The following EFCAB8 variants were observed in gnomAD, a reference collection of about 807,000 sequenced individuals.
EFCAB8 encodes EF-hand calcium-binding domain-containing protein 8.
In EFCAB8, 100 loss-of-function variants were observed where a neutral mutation model predicts 116.3. The observed-to-expected ratio is 0.86, with a 90% CI of 0.73 to 1.02. The LOEUF is 1.02. EFCAB8 is among the 50% of genes least tolerant of loss of function. EFCAB8 has a pLI of 0.00. For missense variants in EFCAB8, 1,320 were observed against 1,416.9 expected (o/e 0.93, Z 1.10); for synonymous variants, 558 against 567.9 (o/e 0.98, Z 0.25).
chr20:32,877,134 A>G (rs1229057796), intron 4 of EFCAB8, among the ~76,000 whole-genome samples: 2 of 151,732 alleles, frequency 1.3e-5, no homozygotes, highest in Non-Finnish European at 2.9e-5. Flanking sequence ...CTGCCGTCTC[A>G]TAGCTCTCCT....
At chr20:32,960,905 C>T (rs1199375020) in intron 26 of EFCAB8, among the ~76,000 whole-genome samples, 3 of 152,202 alleles carry the variant, frequency 2.0e-5, no homozygotes, top group African/African-American at 7.2e-5. Context: ...ACAGAGTTGC[C>T]ACAAGCGCCG....
chr20:32,920,765 T>A (rs930307635), intron 20 of EFCAB8, among the ~76,000 whole-genome samples: 1 of 151,910 alleles, frequency 6.6e-6, no homozygotes, highest in African/African-American at 2.4e-5. Context: ...CCATATCAGC[T>A]CCCAAGGAGG....
At chr20:32,862,919 C>T (rs147971723) in intron 1 of EFCAB8, among the ~76,000 whole-genome samples, 293 of 152,294 alleles carry the variant, frequency 1.9e-3, no homozygotes, top group African/African-American at 6.6e-3. Context: ...AGGTATGAGC[C>T]ACTGCACCTG....
Position 32,931,242 on chromosome 20 carries a change from A to G in EFCAB8, c.2696A>G (p.Lys899Arg), listed in dbSNP as rs1301508691. Residue 899 changes from lysine to arginine, a missense_variant, in exon 22 of 27, where the codon AAG becomes AGG. Lys to Arg is a conservative substitution (Grantham distance 26, BLOSUM62 2). Transcript: ENST00000400522. The part of the protein sequence containing the change: ...DKQPFQSSGA[K>R]VVSEAHNKFR... The stretch of plus-strand genomic sequence containing the variant: ...CAGCCATTCCAATCCAGTGGGGCCA[A>G]GGTTGTCTCTGAAGCACACAACAAG... 1.3e-6 allele frequency: 2 copies of G among 1,551,420 alleles called. No individual in the cohort carries two copies. The highest frequency in any genetic ancestry group is 1.7e-6 in the Non-Finnish European group (2 of 1,146,876).
rs1986941140 is a variant in EFCAB8 at position 32,911,844 on chromosome 20, C to T, written c.1785+137C>T. The T allele has an allele frequency of 3.8e-6, 3 of 789,700 alleles. No individual in the cohort carries two copies. The East Asian group carries it at 8.0e-5, about 21-fold the overall frequency. The allele number at this position is 789,700 out of a possible 1,614,324, so 48.9% of individuals were successfully genotyped here. ...ATAGTCAGGTGGCCTGGCTTCAAAC[C>T]TCCCTGAGCCTCTGTGTCCTCATGC... On this transcript the variant is annotated intron_variant, in intron 16 of 26. Coordinates refer to ENST00000400522, the MANE Select transcript of EFCAB8 (RefSeq NM_001143967.2).
At chr20:32,916,325 A>G (rs1482948792) in intron 17 of EFCAB8, among the ~76,000 whole-genome samples, 1 of 151,944 alleles carries the variant, frequency 6.6e-6, no homozygotes, top group Non-Finnish European at 1.5e-5. Flanking sequence ...TGGCATAATT[A>G]CAGCTCACTG....
chr20:32,934,375 C>T (rs1216597456), intron 22 of EFCAB8, among the ~76,000 whole-genome samples: 2 of 152,078 alleles, frequency 1.3e-5, no homozygotes, highest in Admixed American at 1.3e-4. Context: ...TAGGTTGATT[C>T]TATATCTTGG....
At chr20:32,904,691 A>G (rs1448833715) in intron 11 of EFCAB8, among the ~76,000 whole-genome samples, 2 of 149,664 alleles carry the variant, frequency 1.3e-5, no homozygotes, top group East Asian at 4.0e-4. Flanking sequence ...CAGTGGTACA[A>G]TCTTGGCTCA....
chr20:32,889,787 A>G (rs1275804236), intron 7 of EFCAB8, among the ~76,000 whole-genome samples: 1 of 151,936 alleles, frequency 6.6e-6, no homozygotes, highest in East Asian at 1.9e-4. Context: ...GGATCACCTG[A>G]GGTCAGGAGT....
rs1987235761 is a variant in EFCAB8, at chr20:32,917,336, A to G, written c.1892A>G (p.His631Arg). 1 of 1,551,716 alleles carries G rather than the reference A, an allele frequency of 6.4e-7. No individual in the cohort carries two copies. The highest frequency in any genetic ancestry group is 8.7e-7 in the Non-Finnish European group (1 of 1,147,002). The change falls in exon 18 of 27, where the codon CAC (histidine) becomes CGC (arginine). Residue 631 changes from histidine to arginine, a missense_variant. His to Arg is a conservative substitution (Grantham distance 29). Transcript: ENST00000400522. Reference protein sequence around the residue: ...HKTKPVLLCYHWQTYHTEDIL... With the variant: ...HKTKPVLLCYRWQTYHTEDIL... Reference sequence around the variant, plus strand: ...ACCAAGCCAGTGCTCTTGTGCTACCACTGGCAGACCTACCACACGGAGGAC... The same window carrying G: ...ACCAAGCCAGTGCTCTTGTGCTACCGCTGGCAGACCTACCACACGGAGGAC...
At chr20:32,859,484 A>G (rs1056995367) in intron 1 of EFCAB8, among the ~76,000 whole-genome samples, 1 of 152,124 alleles carries the variant, frequency 6.6e-6, no homozygotes, top group African/African-American at 2.4e-5. Flanking sequence ...GTTGGCAGCA[A>G]CCAGCACTTT....
chr20:32,930,173 T>C (rs1408381386), intron 20 of EFCAB8, among the ~76,000 whole-genome samples: 1 of 152,184 alleles, frequency 6.6e-6, no homozygotes, highest in Non-Finnish European at 1.5e-5. Flanking sequence ...AAGGACAAAG[T>C]AGTGAACAAA....
chr20:32,912,437 AAAAAAAAAGAAG>A (rs1296993804), intron 16 of EFCAB8, among the ~76,000 whole-genome samples: 1 of 129,432 alleles, frequency 7.7e-6, no homozygotes, highest in African/African-American at 3.1e-5. Context: ...TGTCAAAAAA[AAAAAAAAAGAAG>A]AAGAAGAAAG....
chr20:32,915,764 C>T (rs1351642715), intron 17 of EFCAB8, among the ~76,000 whole-genome samples: 12 of 151,466 alleles, frequency 7.9e-5, no homozygotes, highest in African/African-American at 1.7e-4. Context: ...CTCCGCGTCC[C>T]GGGTTCAAGT....
chr20:32,908,500 C>G, intron 14 of EFCAB8, 88 bp downstream of exon 14: 1 of 1,222,006 alleles, frequency 8.2e-7, no homozygotes, highest in Middle Eastern at 2.7e-4. Context: ...GGGGTGGCCA[C>G]GTCCTGTCCC....
intron 3 of EFCAB8, among the ~76,000 whole-genome samples, chr20:32,874,877 G>A (rs2046317577): frequency 6.6e-6 from 1 of 152,106 alleles, no homozygotes; most frequent in Admixed American, 6.5e-5. Flanking sequence ...CTCCCAAGTA[G>A]CTGGGATTAC....
chr20:32,926,415 G>T (rs1356742555), intron 20 of EFCAB8, among the ~76,000 whole-genome samples: 1 of 134,878 alleles, frequency 7.4e-6, no homozygotes, highest in African/African-American at 2.8e-5. Context: ...TGAAACTATT[G>T]TTTATTTAGC....
intron 3 of EFCAB8, among the ~76,000 whole-genome samples, chr20:32,871,872 A>G (rs1240837389): frequency 2.0e-5 from 3 of 152,110 alleles, no homozygotes; most frequent in Non-Finnish European, 4.4e-5. Context: ...GTGGTTCTTA[A>G]AGAGGAAAGA....
chr20:32,903,175 C>T (rs1986511102), intron 11 of EFCAB8, among the ~76,000 whole-genome samples: 1 of 152,248 alleles, frequency 6.6e-6, no homozygotes, highest in Non-Finnish European at 1.5e-5. Flanking sequence ...CTCATGCCCT[C>T]TCCTCCTGGC....
Sources: allele counts gnomAD v4.1 joint callset (sites outside exome capture counted in the v4.1 genomes callset), GRCh38; gene constraint gnomAD v4.1.1; transcripts MANE v1.5; gene names NCBI Gene and HGNC (gene_info 2026-07-23, HGNC 2026-07-21).